Variants in STARD13 observed in about 807,000 individuals in gnomAD.
STARD13 encodes StAR related lipid transfer domain containing 13.
In STARD13, 62 loss-of-function variants were observed where a neutral mutation model predicts 106.4. The observed-to-expected ratio is 0.58, with a 90% confidence interval of 0.48 to 0.72. STARD13 has a LOEUF of 0.72. Among genes scored for constraint, STARD13 ranks in the 30% least tolerant of loss-of-function variants. The probability of loss-of-function intolerance (pLI) is 0.00; values close to 1 mark genes in which losing one functional copy is unlikely to be tolerated. For missense variants in STARD13, 1,387 were observed against 1,424.0 expected (o/e 0.97, Z 0.42); for synonymous variants, 565 against 553.0 (o/e 1.02, Z -0.31).
At chr13:33,312,430 C>A (rs981979288) in intron 1 of STARD13, among the ~76,000 whole-genome samples, 20 of 152,138 alleles carry the variant, frequency 1.3e-4, no homozygotes, top group Non-Finnish European at 2.6e-4. Flanking sequence ...CATGCCTTTC[C>A]TGCTCCACCC....
intron 3 of STARD13, among the ~76,000 whole-genome samples, chr13:33,159,871 A>G (rs573170969): frequency 5.3e-5 from 8 of 152,350 alleles, no homozygotes; most frequent in African/African-American, 1.9e-4. Flanking sequence ...GTGTTTATTA[A>G]CACAAAGACT....
At chr13:33,132,967 T>C (rs945194394) in intron 4 of STARD13, among the ~76,000 whole-genome samples, 51 of 152,156 alleles carry the variant, frequency 3.4e-4, no homozygotes, top group African/African-American at 1.1e-3. Flanking sequence ...ACGTTGAACT[T>C]ATTGGATTTT....
rs1300936549 is a variant in STARD13 at position 33,163,658 on chromosome 13, C to CAT, written c.323+1677_323+1678dup. Among the ~76,000 whole-genome samples, 788 of 71,626 alleles carry CAT rather than the reference C, an allele frequency of 0.011. 49 individuals are homozygous for CAT. The Admixed American group carries it at 0.11, about 10-fold the overall frequency. The allele number at this position is 71,626 out of a possible 152,430, so 47.0% of individuals were successfully genotyped here. On this transcript the variant is annotated intron_variant, in intron 3 of 13. Coordinates refer to ENST00000336934, the MANE Select transcript of STARD13 (RefSeq NM_178006.4). ...ATATATAACATATATATATATAAAA[C>CAT]ATATATATATAACATATATATAAAA...
chr13:33,643,181 A>ACACACACG, the STARD13 span, among the ~76,000 whole-genome samples: 44 of 151,986 alleles, frequency 2.9e-4, 1 homozygote, highest in South Asian at 8.9e-3. Flanking sequence ...ACACACACAC[A>ACACACACG]CACACACACA....
chr13:33,675,538 G>A, the STARD13 span, among the ~76,000 whole-genome samples: 1 of 152,126 alleles, frequency 6.6e-6, no homozygotes, highest in Admixed American at 6.5e-5. Context: ...GGAAATATAA[G>A]CCCCTATCAA....
chr13:33,238,682 G>C (rs990168081), intron 1 of STARD13, among the ~76,000 whole-genome samples: 20 of 152,218 alleles, frequency 1.3e-4, no homozygotes, highest in African/African-American at 4.8e-4. Flanking sequence ...TTTAGTAGTT[G>C]TGGAACCTTG....
chr13:33,298,197 T>G (rs1336482716), intron 1 of STARD13, among the ~76,000 whole-genome samples: 1 of 136,058 alleles, frequency 7.3e-6, no homozygotes, highest in African/African-American at 2.7e-5. Context: ...TGGCGCCATC[T>G]CAGCTCACTG....
intron 7 of STARD13, among the ~76,000 whole-genome samples, chr13:33,118,920 G>A (rs1047807488): frequency 6.6e-6 from 1 of 152,134 alleles, no homozygotes; most frequent in African/African-American, 2.4e-5. Flanking sequence ...TATGCAGTAA[G>A]CTATGGCTCT....
At chr13:33,285,872 T>G, upstream of STARD13, 1 of 933,554 alleles carries the variant, frequency 1.1e-6, no homozygotes, top group African/African-American at 1.7e-5. Flanking sequence ...CAGTCAGCCC[T>G]AAGCCCCGAC....
the STARD13 span, among the ~76,000 whole-genome samples, chr13:33,408,174 A>T: frequency 8.3e-3 from 1,260 of 152,300 alleles, 20 homozygotes; most frequent in Admixed American, 0.032. Flanking sequence ...CGCATAACAT[A>T]AAATTGACCG....
Position 33,106,987 on chromosome 13 carries a change from C to G in STARD13, c.3048-53G>C, listed in dbSNP as rs1873821859. ...GTCATGACTGAGGGAGGAAGAAGAA[C>G]CTGAACACAGAGCTAAGGTTTGTGT... On this transcript the variant is annotated intron_variant, in intron 12 of 13. Transcript: ENST00000336934. The G allele has an allele frequency of 2.6e-6, 4 of 1,540,238 alleles. No individual in the cohort carries two copies. The Admixed American group carries it at 5.4e-5, about 21-fold the overall frequency.
chr13:33,132,295 G>A (rs1163558464), intron 4 of STARD13, among the ~76,000 whole-genome samples: 1 of 152,218 alleles, frequency 6.6e-6, no homozygotes, highest in Non-Finnish European at 1.5e-5. Flanking sequence ...TGTGTTATGG[G>A]AGGGACCCGG....
the STARD13 span, among the ~76,000 whole-genome samples, chr13:33,369,521 C>T: frequency 6.6e-6 from 1 of 152,070 alleles, no homozygotes; most frequent in Non-Finnish European, 1.5e-5. Flanking sequence ...ATTTGTCTGT[C>T]CTGAGCAAAG....
the STARD13 span, among the ~76,000 whole-genome samples, chr13:33,373,613 C>T: frequency 3.3e-5 from 5 of 151,964 alleles, 1 homozygote; most frequent in South Asian, 1.0e-3. Context: ...CAGCAAGCAA[C>T]CCAATTAAAA....
At chr13:33,291,847 C>T (rs1052070324) in intron 1 of STARD13, among the ~76,000 whole-genome samples, 3 of 152,082 alleles carry the variant, frequency 2.0e-5, no homozygotes, top group East Asian at 3.9e-4. Flanking sequence ...TAGCTGGATG[C>T]TATCTTTGTT....
intron 1 of STARD13, among the ~76,000 whole-genome samples, chr13:33,225,753 T>TAA (rs5802674): frequency 0.016 from 2,421 of 148,710 alleles, 71 homozygotes; most frequent in African/African-American, 0.056. Flanking sequence ...TTTCCTTAAT[T>TAA]AAAAAAAAAA....
the STARD13 span, among the ~76,000 whole-genome samples, chr13:33,448,968 A>G: frequency 4.6e-5 from 7 of 151,644 alleles, no homozygotes; most frequent in African/African-American, 1.5e-4. Context: ...TCAGTTCCCT[A>G]TATATTTTGG....
At chr13:33,312,764 A>C (rs933400139) in intron 1 of STARD13, among the ~76,000 whole-genome samples, 2 of 152,346 alleles carry the variant, frequency 1.3e-5, no homozygotes. Context: ...CTGATTGAGT[A>C]TGCCAGGACC....
intron 1 of STARD13, among the ~76,000 whole-genome samples, chr13:33,296,763 G>A (rs1218703904): frequency 1.3e-5 from 2 of 151,640 alleles, no homozygotes; most frequent in Non-Finnish European, 2.9e-5. Flanking sequence ...GGATTACAGG[G>A]GCCCCCCACC....
Sources: gnomAD v4.1 joint callset for allele counts (sites outside exome capture counted in the v4.1 genomes callset) on GRCh38, gnomAD v4.1.1 for gene constraint, MANE v1.5 for transcripts, NCBI Gene and HGNC (gene_info 2026-07-23, HGNC 2026-07-21) for gene names.